Variants in RTN4 observed in about 807,000 individuals in gnomAD.
The protein encoded by RTN4 is reticulon 4, also known as reticulon-4.
A neutral mutation model predicts 90.4 loss-of-function variants in RTN4; 32 were observed. That is an observed-to-expected ratio of 0.35 (90% CI 0.27 to 0.48). RTN4 has a LOEUF of 0.48. Ranked by LOEUF, RTN4 falls within the 20% of genes least tolerant of loss-of-function variation. The pLI is 0.99. For missense variants in RTN4, 1,706 were observed against 1,430.2 expected, an observed-to-expected ratio of 1.19 and a Z score of -3.11; for synonymous variants, 629 against 552.5, an observed-to-expected ratio of 1.14 and a Z score of -1.94.
intron 3 of RTN4, among the ~76,000 whole-genome samples, chr2:54,989,378 T>G (rs1371812388): frequency 6.6e-6 from 1 of 152,246 alleles, no homozygotes; most frequent in African/African-American, 2.4e-5. Flanking sequence ...CAAACTTGTT[T>G]GTTACAGCCC....
chr2:55,073,945 C>A (rs547727658), intron 2 of RTN4, among the ~76,000 whole-genome samples: 4 of 152,200 alleles, frequency 2.6e-5, no homozygotes, highest in Non-Finnish European at 5.9e-5. Context: ...GACCACCTGC[C>A]CCAGTTTCGT....
At chr2:55,062,033 C>T (rs542815195) in intron 2 of RTN4, among the ~76,000 whole-genome samples, 2 of 152,116 alleles carry the variant, frequency 1.3e-5, no homozygotes, top group African/African-American at 4.8e-5. Flanking sequence ...GTCAAGAGCA[C>T]GTCAAGAGCA....
chr2:55,072,291 G>A (rs919266777), intron 2 of RTN4, among the ~76,000 whole-genome samples: 4 of 151,452 alleles, frequency 2.6e-5, no homozygotes, highest in African/African-American at 4.9e-5. Flanking sequence ...GTGCAGTGGC[G>A]CGATCTCTGC....
intron 1 of RTN4, among the ~76,000 whole-genome samples, chr2:55,029,975 T>A (rs1199628098): frequency 6.7e-6 from 1 of 149,992 alleles, no homozygotes; most frequent in Non-Finnish European, 1.5e-5. Context: ...AAAACTGAAA[T>A]TTGAGGGTCA....
intron 1 of RTN4, among the ~76,000 whole-genome samples, chr2:55,040,551 G>A (rs1683001398): frequency 6.6e-6 from 1 of 152,090 alleles, no homozygotes; most frequent in Non-Finnish European, 1.5e-5. Flanking sequence ...TACAAAGTTG[G>A]GGAGAAAGAA....
At chr2:55,037,921 T>C (rs1682801067) in intron 1 of RTN4, among the ~76,000 whole-genome samples, 1 of 152,198 alleles carries the variant, frequency 6.6e-6, no homozygotes, top group Non-Finnish European at 1.5e-5. Context: ...TAATCAAGTA[T>C]TGGCATAAGG....
chr2:55,069,279 C>T (rs2920878), intron 2 of RTN4, among the ~76,000 whole-genome samples: 47,203 of 152,068 alleles, frequency 0.31, 8,584 homozygotes, highest in East Asian at 0.58. Context: ...AAAGTTCTAA[C>T]CTTTATCAGT....
chr2:55,065,990 A>G (rs1454175776), intron 2 of RTN4, among the ~76,000 whole-genome samples: 2 of 152,246 alleles, frequency 1.3e-5, no homozygotes, highest in Non-Finnish European at 2.9e-5. Flanking sequence ...TTCATTTTAC[A>G]ATGTGGATGT....
chr2:55,069,680 G>A (rs17046647), intron 2 of RTN4, among the ~76,000 whole-genome samples: 16,058 of 152,198 alleles, frequency 0.11, 891 homozygotes, highest in East Asian at 0.16. Flanking sequence ...ATAGAAGCTG[G>A]CAGATAAGCA....
intron 1 of RTN4, among the ~76,000 whole-genome samples, chr2:55,098,123 A>G (rs1359488684): frequency 5.3e-5 from 8 of 151,982 alleles, no homozygotes; most frequent in Admixed American, 5.3e-4. Context: ...ATCTCCAGTC[A>G]TTTTAGATTA....
intron 1 of RTN4, among the ~76,000 whole-genome samples, chr2:55,100,275 C>CCA (rs1667829248): frequency 6.6e-6 from 1 of 152,048 alleles, no homozygotes; most frequent in Non-Finnish European, 1.5e-5. Context: ...CTTGGACAAG[C>CCA]CACATTCGTC....
chr2:55,122,030 C>G, the RTN4 span, among the ~76,000 whole-genome samples: 1 of 151,928 alleles, frequency 6.6e-6, no homozygotes, highest in Non-Finnish European at 1.5e-5. Context: ...CAGGGTCTCA[C>G]TCTGTTGCCC....
At chr2:54,976,456 A>G (rs1321817040) in intron 5 of RTN4, among the ~76,000 whole-genome samples, 3 of 152,232 alleles carry the variant, frequency 2.0e-5, no homozygotes, top group South Asian at 2.1e-4. Context: ...TGAGGCACAC[A>G]GTGATATGCA....
the RTN4 span, among the ~76,000 whole-genome samples, chr2:55,121,314 G>C: frequency 6.6e-6 from 1 of 152,194 alleles, no homozygotes; most frequent in Non-Finnish European, 1.5e-5. Flanking sequence ...AGGAAGCTCA[G>C]GGAGCTATGA....
intron 3 of RTN4, among the ~76,000 whole-genome samples, chr2:55,007,306 T>C (rs1221952194): frequency 6.6e-6 from 1 of 152,132 alleles, no homozygotes; most frequent in Non-Finnish European, 1.5e-5. Flanking sequence ...ACTACAGTCA[T>C]CCTAACTGGT....
the RTN4 span, among the ~76,000 whole-genome samples, chr2:55,133,517 C>T: frequency 1.3e-5 from 2 of 152,292 alleles, no homozygotes; most frequent in East Asian, 3.9e-4. Flanking sequence ...ATGCAGGATA[C>T]TGCCCACACC....
rs755702577 is a variant in RTN4, at chr2:55,025,954, G to T, written c.2145C>A (p.Phe715Leu). The T allele has an allele frequency of 3.1e-6, 5 of 1,612,868 alleles. No individual in the cohort carries two copies. The highest frequency in any genetic ancestry group is 3.4e-6 in the Non-Finnish European group (4 of 1,179,800). The change falls in exon 3 of 9, where the codon TTC (phenylalanine) becomes TTA (leucine). Residue 715 changes from phenylalanine to leucine, a missense_variant. Transcript: ENST00000337526. ...TKLSAEPAPDFSDYSEMAKVE... is the reference protein window; with the variant it reads ...TKLSAEPAPDLSDYSEMAKVE... ...CTTTTGCCATTTCTGAATAATCAGA[G>T]AAATCCGGAGCTGGTTCAGCAGAAA...
At chr2:55,012,186 T>A (rs1464648103) in intron 3 of RTN4, among the ~76,000 whole-genome samples, 1 of 152,222 alleles carries the variant, frequency 6.6e-6, no homozygotes, top group Non-Finnish European at 1.5e-5. Context: ...TAAGACTACT[T>A]GTATCTTCCG....
intron 2 of RTN4, among the ~76,000 whole-genome samples, chr2:55,079,286 G>A (rs1359561501): frequency 6.6e-6 from 1 of 152,210 alleles, no homozygotes; most frequent in African/African-American, 2.4e-5. Context: ...AATTCATTGT[G>A]CCTGGGTGGT....
Sources: gnomAD v4.1 joint callset for allele counts (sites outside exome capture counted in the v4.1 genomes callset) on GRCh38, gnomAD v4.1.1 for gene constraint, MANE v1.5 for transcripts, NCBI Gene and HGNC (gene_info 2026-07-23, HGNC 2026-07-21) for gene names.